The following SORCS3 variants were observed in gnomAD, a reference collection of about 807,000 sequenced individuals.
The protein encoded by SORCS3 is VPS10 domain-containing receptor SorCS3.
Under a neutral mutation model 146.3 loss-of-function variants are expected in SORCS3, and 57 were observed. The ratio of observed to expected loss-of-function variants is 0.39; its 90% CI spans 0.31 to 0.49. SORCS3 has a LOEUF of 0.49. Ranked by LOEUF, SORCS3 falls within the 20% of genes least tolerant of loss-of-function variation. The probability of loss-of-function intolerance (pLI) is 0.92; values close to 1 mark genes in which losing one functional copy is unlikely to be tolerated. For missense variants in SORCS3, 1,341 were observed against 1,575.5 expected (o/e 0.85, Z 2.52); for synonymous variants, 653 against 618.5 (o/e 1.06, Z -0.83).
At chr10:104,978,013 A>T (rs1290788892) in intron 4 of SORCS3, among the ~76,000 whole-genome samples, 1 of 152,100 alleles carries the variant, frequency 6.6e-6, no homozygotes, top group Non-Finnish European at 1.5e-5. Flanking sequence ...TACAGGCGTG[A>T]GTCACCGTAT....
chr10:105,014,825 A>G (rs771094461), intron 4 of SORCS3, among the ~76,000 whole-genome samples: 15 of 152,190 alleles, frequency 9.9e-5, no homozygotes, highest in Non-Finnish European at 1.8e-4. Flanking sequence ...CTCTTTTACC[A>G]TCTGAGAACA....
intron 2 of SORCS3, among the ~76,000 whole-genome samples, chr10:104,859,577 T>C (rs559331850): frequency 1.3e-5 from 2 of 152,326 alleles, no homozygotes; most frequent in South Asian, 4.1e-4. Context: ...TGGGATCTAA[T>C]TAAACTCAAG....
intron 1 of SORCS3, among the ~76,000 whole-genome samples, chr10:104,719,079 A>G (rs1450483860): frequency 6.6e-6 from 1 of 152,166 alleles, no homozygotes; most frequent in Non-Finnish European, 1.5e-5. Context: ...TGTAATTACT[A>G]TAAAAATATT....
At chr10:105,065,980 A>G (rs147180651) in intron 5 of SORCS3, among the ~76,000 whole-genome samples, 2 of 152,340 alleles carry the variant, frequency 1.3e-5, no homozygotes, top group East Asian at 1.9e-4. Flanking sequence ...ATGAAGCAGA[A>G]TAAAGGTACT....
chr10:104,909,795 T>C (rs2018947366), intron 2 of SORCS3, among the ~76,000 whole-genome samples: 1 of 151,470 alleles, frequency 6.6e-6, no homozygotes, highest in Non-Finnish European at 1.5e-5. Context: ...TCTGTTTTTT[T>C]TTTTTTCTTT....
chr10:105,147,916 A>G, intron 9 of SORCS3, 120 bp downstream of exon 9: 3 of 807,914 alleles, frequency 3.7e-6, no homozygotes, highest in Admixed American at 3.1e-5. Context: ...TAGCAATTGT[A>G]TGACTTTGGG....
chr10:105,097,551 T>TG (rs1350410165), intron 6 of SORCS3, among the ~76,000 whole-genome samples: 3 of 152,234 alleles, frequency 2.0e-5, no homozygotes, highest in Admixed American at 2.0e-4. Context: ...GTTGGAGAAC[T>TG]AACTGTCATT....
chr10:104,895,009 A>T (rs1376267570), intron 2 of SORCS3, among the ~76,000 whole-genome samples: 5 of 152,220 alleles, frequency 3.3e-5, no homozygotes, highest in Non-Finnish European at 7.4e-5. Flanking sequence ...TATGCATATT[A>T]AAAAGCAGCT....
At chr10:104,861,977 C>A (rs1382195426) in intron 2 of SORCS3, among the ~76,000 whole-genome samples, 1 of 152,212 alleles carries the variant, frequency 6.6e-6, no homozygotes, top group Admixed American at 6.5e-5. Context: ...CAAATTTCCA[C>A]TTTATGAGAC....
At chr10:105,247,370 A>G (rs1471097868) in intron 22 of SORCS3, 39 bp downstream of exon 22, 1 of 1,206,072 alleles carries the variant, frequency 8.3e-7, no homozygotes, top group African/African-American at 1.5e-5. Context: ...CTTGTGAATA[A>G]AGAAAAGAAC....
intron 4 of SORCS3, among the ~76,000 whole-genome samples, chr10:105,014,479 G>A (rs1589594454): frequency 6.6e-6 from 1 of 152,082 alleles, no homozygotes; most frequent in Non-Finnish European, 1.5e-5. Context: ...TCCAAAAATG[G>A]TATGTGAAAA....
At chr10:105,081,291 A>G (rs2055623656) in intron 5 of SORCS3, among the ~76,000 whole-genome samples, 2 of 152,294 alleles carry the variant, frequency 1.3e-5, no homozygotes, top group East Asian at 1.9e-4. Flanking sequence ...ATACTCACAA[A>G]GAAGAAAAAC....
Position 105,234,755 on chromosome 10 carries a change from A to G in SORCS3, c.2869-10787A>G, listed in dbSNP as rs942068266. Among the ~76,000 whole-genome samples, 22 of 151,386 alleles carry G rather than the reference A, an allele frequency of 1.5e-4. 1 individual carries two copies. Among genetic ancestry groups the G allele is most frequent in the African/African-American group, 5.3e-4 (22 of 41,164 alleles). On this transcript the variant is annotated intron_variant, in intron 20 of 26. Transcript: ENST00000369701. ...TTTCAACTTTCTGTTTACATTGCTC[A>G]TCTGTTTTGGCATGCTGTCTACCTT...
chr10:105,087,487 GA>G (rs59554883), intron 5 of SORCS3, among the ~76,000 whole-genome samples: 251 of 142,018 alleles, frequency 1.8e-3, no homozygotes, highest in Non-Finnish European at 1.7e-3. Flanking sequence ...TCTCTTCTGG[GA>G]AAAAAAAAAA....
At chr10:105,180,800 A>G (rs2056438200) in intron 14 of SORCS3, among the ~76,000 whole-genome samples, 5 of 152,074 alleles carry the variant, frequency 3.3e-5, no homozygotes, top group Admixed American at 3.3e-4. Context: ...TGCCTTCCCT[A>G]CTTAAACAAC....
At chr10:105,262,113 G>GT (rs2056964391) in intron 25 of SORCS3, among the ~76,000 whole-genome samples, 1 of 152,110 alleles carries the variant, frequency 6.6e-6, no homozygotes, top group Admixed American at 6.6e-5. Context: ...TCCTCAGGGA[G>GT]TTCTATGGTT....
intron 4 of SORCS3, among the ~76,000 whole-genome samples, chr10:105,034,507 C>T (rs2055292761): frequency 6.6e-6 from 1 of 152,068 alleles, no homozygotes; most frequent in South Asian, 2.1e-4. Context: ...TAGTATAAGC[C>T]AGTTTCTGCA....
At chr10:105,015,169 TCCTG>T (rs907361948) in intron 4 of SORCS3, among the ~76,000 whole-genome samples, 5 of 152,184 alleles carry the variant, frequency 3.3e-5, no homozygotes, top group Admixed American at 3.3e-4. Flanking sequence ...CCCTAGTATG[TCCTG>T]GGTAGCAGTG....
chr10:104,986,397 T>C (rs969298484), intron 4 of SORCS3, among the ~76,000 whole-genome samples: 2 of 152,232 alleles, frequency 1.3e-5, no homozygotes, highest in African/African-American at 2.4e-5. Context: ...TGATCTTGTA[T>C]CTAGACCACT....
Sources: gnomAD v4.1 joint callset for allele counts (sites outside exome capture counted in the v4.1 genomes callset) on GRCh38, gnomAD v4.1.1 for gene constraint, MANE v1.5 for transcripts, NCBI Gene and HGNC (gene_info 2026-07-23, HGNC 2026-07-21) for gene names.